Variants in GPATCH8 observed in about 807,000 individuals in gnomAD.
The protein encoded by GPATCH8 is G-patch domain containing 8.
A neutral mutation model predicts 118.3 loss-of-function variants in GPATCH8; 18 were observed. The observed-to-expected ratio is 0.15, with a 90% CI of 0.11 to 0.23. GPATCH8 has a LOEUF of 0.23. GPATCH8 is among the 10% of genes least tolerant of loss of function. GPATCH8 has a pLI of 1.00. For synonymous variants in GPATCH8, 659 were observed against 684.7 expected (o/e 0.96, Z 0.59); for missense variants, 1,631 against 1,873.8 (o/e 0.87, Z 2.39).
chr17:44,458,897 T>C (rs1438318620), intron 3 of GPATCH8, among the ~76,000 whole-genome samples: 1 of 152,198 alleles, frequency 6.6e-6, no homozygotes, highest in Non-Finnish European at 1.5e-5. Context: ...AATATTATTT[T>C]AAGATAATAA....
chr17:44,398,567 T>A lies in GPATCH8; in HGVS notation c.3510A>T (p.Glu1170Asp), dbSNP rs189272370. The A allele has an allele frequency of 3.6e-5, 57 of 1,568,984 alleles. No homozygotes were observed. The highest frequency in any genetic ancestry group is 1.7e-4 in the Admixed American group (9 of 51,822). ...CTTCTGTCTCTGACTGTTCTTGCTC[T>A]TCCCCCCTTTCCAAGCCAGACTCTT... The part of the protein sequence containing the change: ...KCEESGLERG[E>D]EQEQSETEEG... The change falls in exon 8 of 8, where the codon GAA becomes GAT. Residue 1170 changes from glutamate to aspartate, a missense_variant. Transcript: ENST00000591680.
intron 3 of GPATCH8, among the ~76,000 whole-genome samples, chr17:44,447,273 G>A (rs2050922234): frequency 6.6e-6 from 1 of 151,400 alleles, no homozygotes; most frequent in Admixed American, 6.6e-5. Flanking sequence ...TCCTGCCTCA[G>A]TCAGCCTCCT....
chr17:44,416,247 G>T (rs57128348), intron 6 of GPATCH8, among the ~76,000 whole-genome samples: 3,287 of 152,190 alleles, frequency 0.022, 65 homozygotes, highest in East Asian at 0.12. Context: ...CTCACCTCAC[G>T]TGATCCATCC....
At chr17:44,405,124 T>G (rs865831387) in intron 7 of GPATCH8, among the ~76,000 whole-genome samples, 20 of 152,228 alleles carry the variant, frequency 1.3e-4, no homozygotes, top group Admixed American at 3.9e-4. Context: ...TCGCTATATA[T>G]TATATGTATT....
intron 3 of GPATCH8, chr17:44,446,009 A>G (rs975967516): frequency 2.0e-5 from 3 of 152,074 alleles, no homozygotes; most frequent in African/African-American, 7.2e-5. Context: ...AAGTCATCAT[A>G]GTTTACTGTA....
chr17:44,487,168 T>C (rs1033908305), intron 1 of GPATCH8, among the ~76,000 whole-genome samples: 5 of 152,222 alleles, frequency 3.3e-5, no homozygotes, highest in Non-Finnish European at 7.3e-5. Context: ...CTTTATTTTC[T>C]TCCCCTCAAA....
intron 5 of GPATCH8, among the ~76,000 whole-genome samples, chr17:44,427,637 A>G (rs1162246607): frequency 6.6e-6 from 1 of 152,176 alleles, no homozygotes; most frequent in Non-Finnish European, 1.5e-5. Flanking sequence ...TACTTCTGCA[A>G]ACTCAATAGA....
At chr17:44,491,708 A>G (rs1335019089) in intron 1 of GPATCH8, among the ~76,000 whole-genome samples, 1 of 151,824 alleles carries the variant, frequency 6.6e-6, no homozygotes, top group Non-Finnish European at 1.5e-5. Flanking sequence ...AATTAAATTA[A>G]CTGAATGTGG....
rs572718358 is a variant in GPATCH8, at chr17:44,402,783, C to T, written c.624-1330G>A. 4.3e-4 allele frequency among the ~76,000 whole-genome samples: 66 copies of T among 152,246 alleles called. 1 individual carries two copies. The highest frequency in any genetic ancestry group is 1.5e-3 in the African/African-American group (61 of 41,542). ...AAGTCCATGCCTATCTCCTGGGTAC[C>T]GTAACAAGCATTTGCTTTGGTTTTG... On this transcript the variant is annotated intron_variant, in intron 7 of 7. Coordinates refer to ENST00000591680, the MANE Select transcript of GPATCH8 (RefSeq NM_001002909.4).
Position 44,399,190 on chromosome 17 carries a change from T to TGCTGCG in GPATCH8, c.2881_2886dup (p.Arg961_Ser962dup), listed in dbSNP as rs752643316. ...TTGCTTCGACTACGACTACAACTGC[T>TGCTGCG]GCTGCGGCTGCGGCCCCGGGATCTT... On this transcript the variant is annotated inframe_insertion, in exon 8 of 8. Coordinates refer to ENST00000591680, the MANE Select transcript of GPATCH8 (RefSeq NM_001002909.4). The TGCTGCG allele has an allele frequency of 3.7e-6, 6 of 1,613,342 alleles. No homozygotes were observed. Among genetic ancestry groups the TGCTGCG allele is most frequent in the Admixed American group, 1.7e-5 (1 of 60,010 alleles).
intron 3 of GPATCH8, among the ~76,000 whole-genome samples, chr17:44,442,085 G>A (rs1050773399): frequency 1.4e-5 from 2 of 145,038 alleles, no homozygotes; most frequent in African/African-American, 2.5e-5. Context: ...ATATATGTGT[G>A]TATATGTATA....
chr17:44,406,499 G>GGC (rs1555622810), intron 6 of GPATCH8, among the ~76,000 whole-genome samples: 6 of 131,260 alleles, frequency 4.6e-5, no homozygotes, highest in Admixed American at 3.1e-4. Context: ...GCTTACATGG[G>GGC]GGGGGGGGGT....
At chr17:44,441,672 T>TA (rs2050694152) in intron 3 of GPATCH8, among the ~76,000 whole-genome samples, 1 of 150,892 alleles carries the variant, frequency 6.6e-6, no homozygotes, top group East Asian at 2.0e-4. Flanking sequence ...TGCAGTTAGC[T>TA]AAGATTGCAC....
intron 1 of GPATCH8, among the ~76,000 whole-genome samples, chr17:44,487,609 GGT>G (rs1210866563): frequency 2.6e-5 from 4 of 152,164 alleles, no homozygotes; most frequent in African/African-American, 9.7e-5. Flanking sequence ...TTCTCTTGAT[GGT>G]GTCTTTTGCA....
At chr17:44,476,787 G>A (rs1967816505) in intron 1 of GPATCH8, among the ~76,000 whole-genome samples, 1 of 152,270 alleles carries the variant, frequency 6.6e-6, no homozygotes, top group Non-Finnish European at 1.5e-5. Context: ...TCATAATCAA[G>A]CAAGTTGTCA....
chr17:44,398,260 C>A lies in GPATCH8; in HGVS notation c.3817G>T (p.Ala1273Ser), dbSNP rs1276449784. 4 of 1,613,170 alleles carry A rather than the reference C, an allele frequency of 2.5e-6. No homozygotes were observed. In the Admixed American group the frequency reaches 6.7e-5, roughly 27 times the overall value. Residue 1273 changes from alanine (A) to serine (S), a missense_variant, in exon 8 of 8, where the codon GCA (alanine) becomes TCA (serine). Ala to Ser is a moderately conservative substitution (Grantham distance 99). This residue lies in a region of GPATCH8 where 922 missense variants were observed against 879.7 expected (regional missense o/e 1.05). Transcript: ENST00000591680. The part of the protein sequence containing the change: ...GPVESSLLPI[A>S]PDLEHFPSYA... Reference sequence around the variant, plus strand: ...CTGGGGAAATGCTCAAGGTCTGGTGCTATAGGCAGCAAGCTGGACTCCACA... The same window carrying A: ...CTGGGGAAATGCTCAAGGTCTGGTGATATAGGCAGCAAGCTGGACTCCACA...
At position 44,397,903 on chromosome 17, in the gene GPATCH8, C is replaced by T. The variant is rs200060507; in HGVS notation, c.4174G>A (p.Gly1392Ser). 1,014 of 1,612,080 alleles carry T rather than the reference C, an allele frequency of 6.3e-4. 2 individuals carry two copies. The highest frequency in any genetic ancestry group is 1.4e-3 in the South Asian group (131 of 91,026). Residue 1392 changes from glycine to serine, a missense_variant, in exon 8 of 8, where the codon GGC (glycine) becomes AGC (serine). Coordinates refer to ENST00000591680, the MANE Select transcript of GPATCH8 (RefSeq NM_001002909.4). ...HHAAAAAAAI[G>S]IHPHPHPQPL... is the part of the protein sequence containing the mutation. ...TGGGGATGGGGGTGAGGGTGAATGCCGATGGCGGCAGCAGCTGCGGCAGCA... is the reference window on the plus strand; with the variant it reads ...TGGGGATGGGGGTGAGGGTGAATGCTGATGGCGGCAGCAGCTGCGGCAGCA...
intron 6 of GPATCH8, among the ~76,000 whole-genome samples, chr17:44,414,510 T>A (rs901278047): frequency 6.6e-6 from 1 of 152,172 alleles, no homozygotes; most frequent in Non-Finnish European, 1.5e-5. Flanking sequence ...GATCTCCATA[T>A]GTTGCCCAGG....
intron 3 of GPATCH8, chr17:44,436,916 A>C (rs909656912): frequency 9.0e-6 from 2 of 221,546 alleles, no homozygotes; most frequent in Non-Finnish European, 1.8e-5. Flanking sequence ...GCCCACTGAT[A>C]TCCTCCTACA....
Sources: allele counts gnomAD v4.1 joint callset (sites outside exome capture counted in the v4.1 genomes callset), GRCh38; gene constraint gnomAD v4.1.1; regional missense constraint gnomAD v4.1.1; transcripts MANE v1.5; gene names NCBI Gene and HGNC (gene_info 2026-07-23, HGNC 2026-07-21).